SLC16A7: variants seen among roughly 807,000 people sequenced by gnomAD.
SLC16A7 encodes the protein monocarboxylate transporter 2.
A neutral mutation model predicts 34.9 loss-of-function variants in SLC16A7; 33 were observed. The observed-to-expected ratio is 0.94, with a 90% confidence interval of 0.72 to 1.26. The LOEUF (loss-of-function observed/expected upper bound fraction) is 1.26, where lower values mean the gene tolerates loss of function less well. SLC16A7 is among the 50% of genes most tolerant of loss of function. The pLI, the probability that SLC16A7 is intolerant of heterozygous loss-of-function variation, is 0.00. For synonymous variants in SLC16A7, 201 were observed against 206.6 expected (o/e 0.97, Z 0.23); for missense variants, 573 against 578.1 (o/e 0.99, Z 0.09).
chr12:59,628,822 G>C (rs1880050522), intron 1 of SLC16A7, among the ~76,000 whole-genome samples: 2 of 151,778 alleles, frequency 1.3e-5, no homozygotes, highest in South Asian at 4.1e-4. Context: ...GATATAGCTA[G>C]AAATAATCCC....
At chr12:59,655,475 C>A (rs975524266) in intron 2 of SLC16A7, among the ~76,000 whole-genome samples, 1 of 151,676 alleles carries the variant, frequency 6.6e-6, no homozygotes, top group Non-Finnish European at 1.5e-5. Context: ...GTCTCAGTTT[C>A]TCTGTATATA....
intron 1 of SLC16A7, among the ~76,000 whole-genome samples, chr12:59,615,529 G>C (rs1879410284): frequency 6.6e-6 from 1 of 152,136 alleles, no homozygotes; most frequent in African/African-American, 2.4e-5. Context: ...GAGGCACATG[G>C]AGAGGCCTAT....
rs149666178 is a variant in SLC16A7 at position 59,635,360 on chromosome 12, C to G, written c.-129-19792C>G. Among the ~76,000 whole-genome samples the G allele has an allele frequency of 1.6e-3, 249 of 152,150 alleles. 2 individuals are homozygous for G. Among genetic ancestry groups the G allele is most frequent in the South Asian group, 9.7e-3 (47 of 4,826 alleles). On this transcript the variant is annotated intron_variant, in intron 1 of 5. Coordinates refer to ENST00000547379, the MANE Select transcript of SLC16A7 (RefSeq NM_001270623.2). Reference sequence around the variant, plus strand: ...TTGACTTATTTCCTCAATTCTCTTTCCATTGGAAATCTGGCTGAAACAAAT... The same window carrying G: ...TTGACTTATTTCCTCAATTCTCTTTGCATTGGAAATCTGGCTGAAACAAAT...
At chr12:59,661,782 G>T (rs1377260312) in intron 2 of SLC16A7, among the ~76,000 whole-genome samples, 3 of 152,016 alleles carry the variant, frequency 2.0e-5, no homozygotes, top group Non-Finnish European at 4.4e-5. Context: ...AAACTTTAAA[G>T]GAATTATTCT....
intron 3 of SLC16A7, among the ~76,000 whole-genome samples, chr12:59,765,376 CT>C (rs1881489702): frequency 6.6e-6 from 1 of 152,148 alleles, no homozygotes; most frequent in Non-Finnish European, 1.5e-5. Flanking sequence ...GTTGCCGTTG[CT>C]TTTGGTGTTT....
At chr12:59,684,371 A>G (rs543646101) in intron 2 of SLC16A7, among the ~76,000 whole-genome samples, 25 of 152,326 alleles carry the variant, frequency 1.6e-4, no homozygotes, top group Non-Finnish European at 3.4e-4. Context: ...AAAGAAAGGA[A>G]AGGTTTTCTG....
At chr12:59,665,347 A>G (rs1326020475) in intron 2 of SLC16A7, among the ~76,000 whole-genome samples, 1 of 152,058 alleles carries the variant, frequency 6.6e-6, no homozygotes, top group African/African-American at 2.4e-5. Context: ...TTTAATCACT[A>G]AAATTATTTG....
In SLC16A7 at chr12:59,784,413, A is replaced by G. The variant is rs1255774755; in HGVS notation, c.*4734A>G. The G allele has an allele frequency of 6.6e-6, 1 of 152,160 alleles. No homozygotes were observed. Among genetic ancestry groups the G allele is most frequent in the Admixed American group, 6.5e-5 (1 of 15,268 alleles). 9.4% of individuals were successfully genotyped at this position (152,160 alleles called of 1,614,324 possible). ...AAATGTTCTTACTAGAAAACATTATATTTAGAATTTTAGTGATTATTCCAT... is the reference window on the plus strand; with the variant it reads ...AAATGTTCTTACTAGAAAACATTATGTTTAGAATTTTAGTGATTATTCCAT... On this transcript the variant is annotated 3_prime_UTR_variant, in exon 6 of 6. Coordinates refer to ENST00000547379, the MANE Select transcript of SLC16A7 (RefSeq NM_001270623.2).
chr12:59,672,232 A>G (rs542671898), intron 2 of SLC16A7, among the ~76,000 whole-genome samples: 8 of 145,358 alleles, frequency 5.5e-5, no homozygotes, highest in Non-Finnish European at 9.1e-5. Context: ...GTATATATGC[A>G]TATATACGTA....
At chr12:59,762,309 AT>A (rs1321779348) in intron 3 of SLC16A7, among the ~76,000 whole-genome samples, 2 of 152,072 alleles carry the variant, frequency 1.3e-5, no homozygotes, top group Non-Finnish European at 2.9e-5. Context: ...TTCTTATTGA[AT>A]TGTTTCATTC....
intron 1 of SLC16A7, among the ~76,000 whole-genome samples, chr12:59,628,676 G>A (rs930038203): frequency 5.9e-5 from 9 of 151,716 alleles, no homozygotes; most frequent in African/African-American, 2.2e-4. Context: ...GTGCATGTGC[G>A]TGTGTGTGTG....
intron 3 of SLC16A7, among the ~76,000 whole-genome samples, chr12:59,729,502 T>C (rs1876682266): frequency 6.6e-6 from 1 of 152,188 alleles, no homozygotes; most frequent in African/African-American, 2.4e-5. Context: ...TTCCTATCAT[T>C]TGGTTATAAT....
At chr12:59,702,036 C>T (rs974004740) in intron 2 of SLC16A7, among the ~76,000 whole-genome samples, 13 of 151,756 alleles carry the variant, frequency 8.6e-5, no homozygotes, top group African/African-American at 2.9e-4. Context: ...AGTAGTTTAC[C>T]ACATAAATGT....
At position 59,774,788 on chromosome 12, in the gene SLC16A7, A is replaced by G; in HGVS notation, c.493A>G (p.Asn165Asp). The change falls in exon 5 of 6, where the codon AAT (asparagine) becomes GAT (aspartate). Residue 165 changes from asparagine (N) to aspartate (D), a missense_variant. By Grantham distance (23) the Asn-to-Asp change is conservative (BLOSUM62 1). Transcript: ENST00000547379. ...PVFLSSLAPF[N>D]QYLFNTFGWK... ...TTTCTTAAGTTCATTGGCTCCTTTC[A>G]ATCAGTACCTTTTTAATACTTTTGG... 2 of 1,613,898 alleles carry G rather than the reference A, an allele frequency of 1.2e-6. No homozygotes were observed. The highest frequency in any genetic ancestry group is 1.1e-5 in the South Asian group (1 of 91,074).
chr12:59,759,175 T>C (rs532951439), intron 3 of SLC16A7, among the ~76,000 whole-genome samples: 1 of 152,146 alleles, frequency 6.6e-6, no homozygotes, highest in South Asian at 2.1e-4. Context: ...TAAGCATATA[T>C]TTTATAGTAT....
At chr12:59,700,359 T>A (rs1358795986) in intron 2 of SLC16A7, among the ~76,000 whole-genome samples, 2 of 151,608 alleles carry the variant, frequency 1.3e-5, no homozygotes, top group Non-Finnish European at 3.0e-5. Context: ...TAAGTCTATG[T>A]GCATCATGTC....
chr12:59,707,886 C>G (rs1433789972), intron 3 of SLC16A7, among the ~76,000 whole-genome samples: 2 of 152,202 alleles, frequency 1.3e-5, no homozygotes, highest in East Asian at 1.9e-4. Context: ...TTCTGCTCAC[C>G]TTTGGTCCTT....
chr12:59,698,868 C>T (rs1872587321), intron 2 of SLC16A7, among the ~76,000 whole-genome samples: 1 of 151,656 alleles, frequency 6.6e-6, no homozygotes, highest in Admixed American at 6.6e-5. Flanking sequence ...AATCATAATC[C>T]GATTGTGAAA....
intron 2 of SLC16A7, chr12:59,664,631 C>T (rs1869045005): frequency 6.6e-6 from 1 of 152,130 alleles, no homozygotes; most frequent in Non-Finnish European, 1.5e-5. Flanking sequence ...ATCAACACAA[C>T]ACATGAGAAG....
Sources: allele counts gnomAD v4.1 joint callset (sites outside exome capture counted in the v4.1 genomes callset), GRCh38; gene constraint gnomAD v4.1.1; transcripts MANE v1.5; gene names NCBI Gene and HGNC (gene_info 2026-07-23, HGNC 2026-07-21).